The following GPHN variants were observed in gnomAD, a reference collection of about 807,000 sequenced individuals.
GPHN encodes gephyrin.
In GPHN, 17 loss-of-function variants were observed where a neutral mutation model predicts 95.5. The observed-to-expected ratio is 0.18, with a 90% CI of 0.12 to 0.27. The LOEUF is 0.27. Among genes scored for constraint, GPHN ranks in the 10% least tolerant of loss-of-function variants. GPHN has a pLI of 1.00. For synonymous variants in GPHN, 320 were observed against 322.5 expected, an observed-to-expected ratio of 0.99 and a Z score of 0.08; for missense variants, 660 against 978.1, an observed-to-expected ratio of 0.67 and a Z score of 4.34.
chr14:67,610,752 T>G, the GPHN span, among the ~76,000 whole-genome samples: 1 of 152,082 alleles, frequency 6.6e-6, no homozygotes, highest in Non-Finnish European at 1.5e-5. Context: ...TGTGATTCTA[T>G]CCCCAGCCAA....
intron 2 of GPHN, among the ~76,000 whole-genome samples, chr14:66,713,924 A>G (rs1260031341): frequency 6.6e-6 from 1 of 152,068 alleles, no homozygotes; most frequent in Non-Finnish European, 1.5e-5. Flanking sequence ...ATGTGCCACC[A>G]CACCTGGCTA....
chr14:67,555,898 G>C, the GPHN span: 1 of 1,613,060 alleles, frequency 6.2e-7, no homozygotes, highest in Non-Finnish European at 8.5e-7. Context: ...GTAACCAGGG[G>C]AGGGGATCGG....
At chr14:67,685,292 G>T in the GPHN span, 1 of 1,049,762 alleles carries the variant, frequency 9.5e-7, no homozygotes, top group Non-Finnish European at 1.4e-6. Flanking sequence ...ATAAGCATGT[G>T]ACCTTCACAT....
the GPHN span, chr14:67,303,605 T>C: frequency 1.9e-6 from 3 of 1,605,848 alleles, no homozygotes; most frequent in East Asian, 6.7e-5. Context: ...CAGTAGTAAG[T>C]GATTTTTAAA....
chr14:67,206,620 C>A, the GPHN span, among the ~76,000 whole-genome samples: 1 of 152,148 alleles, frequency 6.6e-6, no homozygotes, highest in East Asian at 1.9e-4. Context: ...AGGTAGGAGA[C>A]AGAACTTCAA....
chr14:67,615,621 A>C, the GPHN span: 1 of 549,172 alleles, frequency 1.8e-6, no homozygotes, highest in Admixed American at 2.0e-5. Context: ...AGAAGTGCTT[A>C]GTGAGGGGGA....
chr14:67,200,439 C>G, the GPHN span: 2 of 471,248 alleles, frequency 4.2e-6, no homozygotes, highest in Non-Finnish European at 7.6e-6. Context: ...TTTCAGCACC[C>G]CCACCCCATT....
At chr14:67,632,699 G>A in the GPHN span, among the ~76,000 whole-genome samples, 1 of 150,240 alleles carries the variant, frequency 6.7e-6, no homozygotes, top group East Asian at 2.0e-4. Context: ...GGCCTATTTA[G>A]TCATTATGAA....
intron 2 of GPHN, among the ~76,000 whole-genome samples, chr14:66,726,774 A>T (rs1342042638): frequency 2.6e-5 from 4 of 152,182 alleles, no homozygotes; most frequent in Non-Finnish European, 5.9e-5. Context: ...AAAATCTGAA[A>T]TTTTTGAGTG....
chr14:66,943,837 C>G (rs890236572), intron 8 of GPHN, among the ~76,000 whole-genome samples: 2 of 152,078 alleles, frequency 1.3e-5, no homozygotes, highest in Non-Finnish European at 2.9e-5. Context: ...TTGGATATAG[C>G]CCTTTAAGAG....
chr14:67,516,681 A>G, the GPHN span, among the ~76,000 whole-genome samples: 2 of 152,224 alleles, frequency 1.3e-5, no homozygotes, highest in African/African-American at 4.8e-5. Context: ...CCCTGGCCAG[A>G]ATATTCAAAG....
chr14:67,647,579 T>C, the GPHN span: 1 of 156,090 alleles, frequency 6.4e-6, no homozygotes, highest in Admixed American at 6.4e-5. Flanking sequence ...ATGTTAAAAC[T>C]GCAGACCTAA....
chr14:66,518,280 C>T (rs1369339550), intron 1 of GPHN, among the ~76,000 whole-genome samples: 2 of 152,076 alleles, frequency 1.3e-5, no homozygotes, highest in Admixed American at 1.3e-4. Context: ...ATCAAAACCA[C>T]AGTGAGGTAT....
At chr14:67,562,054 G>A in the GPHN span, 3 of 1,611,546 alleles carry the variant, frequency 1.9e-6, no homozygotes, top group Non-Finnish European at 2.5e-6. Flanking sequence ...GCCAGGGTGT[G>A]CAGGTGTGCA....
At chr14:66,662,365 C>T (rs2065712758) in intron 1 of GPHN, among the ~76,000 whole-genome samples, 1 of 152,058 alleles carries the variant, frequency 6.6e-6, no homozygotes, top group Admixed American at 6.5e-5. Flanking sequence ...GTGATACCCT[C>T]AGGTACTGGA....
At chr14:67,423,888 T>A in the GPHN span, among the ~76,000 whole-genome samples, 1 of 152,218 alleles carries the variant, frequency 6.6e-6, no homozygotes, top group Non-Finnish European at 1.5e-5. Flanking sequence ...CACTTCCTTT[T>A]TCCCACCCAT....
At chr14:67,446,172 C>A in the GPHN span, 4 of 399,446 alleles carry the variant, frequency 1.0e-5, no homozygotes, top group Non-Finnish European at 1.9e-5. Flanking sequence ...ATGCACTCGG[C>A]GCCTTTGGGC....
chr14:67,290,540 G>A, the GPHN span, among the ~76,000 whole-genome samples: 18 of 152,244 alleles, frequency 1.2e-4, no homozygotes, highest in South Asian at 6.2e-4. Context: ...ACAATGCCTG[G>A]CTAATATTTT....
chr14:67,004,415 A>G (rs2072456630), intron 9 of GPHN, among the ~76,000 whole-genome samples: 1 of 151,802 alleles, frequency 6.6e-6, no homozygotes, highest in African/African-American at 2.4e-5. Context: ...TTGCCATATT[A>G]AGCATATAGA....
Sources: allele counts gnomAD v4.1 joint callset (sites outside exome capture counted in the v4.1 genomes callset), GRCh38; gene constraint gnomAD v4.1.1; transcripts MANE v1.5; gene names NCBI Gene and HGNC (gene_info 2026-07-23, HGNC 2026-07-21).